COL18A1: variants seen among roughly 807,000 people sequenced by gnomAD.
COL18A1 encodes the protein collagen type XVIII alpha 1 chain, also known as collagen alpha-1(XVIII) chain.
COL18A1 carries 133 observed loss-of-function variants against 168.0 expected under a neutral mutation model. The ratio of observed to expected loss-of-function variants is 0.79; its 90% CI spans 0.69 to 0.91. The LOEUF (loss-of-function observed/expected upper bound fraction) is 0.91, where lower values mean the gene tolerates loss of function less well. Ranked by LOEUF, COL18A1 falls within the 40% of genes least tolerant of loss-of-function variation. COL18A1 has a pLI of 0.00. For missense variants in COL18A1, 2,126 were observed against 1,925.4 expected (o/e 1.10, Z -1.95); for synonymous variants, 949 against 809.0 (o/e 1.17, Z -2.94).
intron 2 of COL18A1, among the ~76,000 whole-genome samples, chr21:45,438,018 TCACTCA>T (rs1343308249): frequency 1.2e-4 from 3 of 24,496 alleles, no homozygotes; most frequent in African/African-American, 2.3e-4. Context: ...ACACACACAC[TCACTCA>T]CACACAGACA....
chr21:45,409,885 A>T (rs1169398643), intron 2 of COL18A1: 1 of 152,210 alleles, frequency 6.6e-6, no homozygotes, highest in African/African-American at 2.4e-5. Context: ...CCAGGCAGGG[A>T]GCTGATCTGT....
At chr21:45,509,265 C>T (rs956955537) in intron 38 of COL18A1, 91 bp from the exon 39 acceptor site, 2 of 1,506,946 alleles carry the variant, frequency 1.3e-6, no homozygotes, top group East Asian at 2.5e-5. Flanking sequence ...CAGAGCCCAG[C>T]CCCTCTCACC....
chr21:45,490,404 T>C, intron 20 of COL18A1, 58 bp downstream of exon 20: 1 of 1,297,700 alleles, frequency 7.7e-7, no homozygotes, highest in South Asian at 1.3e-5. Flanking sequence ...GAAGGGACTA[T>C]GCTAAGATGA....
At chr21:45,479,533 A>G (rs2035815800) in intron 9 of COL18A1, among the ~76,000 whole-genome samples, 1 of 151,288 alleles carries the variant, frequency 6.6e-6, no homozygotes, top group Non-Finnish European at 1.5e-5. Flanking sequence ...CCATACATGC[A>G]CACTCACACA....
chr21:45,429,007 A>G (rs2033883020), intron 2 of COL18A1, among the ~76,000 whole-genome samples: 1 of 149,970 alleles, frequency 6.7e-6, no homozygotes, highest in Admixed American at 6.7e-5. Flanking sequence ...GGTTCAACTG[A>G]TTCTTTTGCC....
chr21:45,504,450 A>AT lies in COL18A1; in HGVS notation c.2762_2763insT (p.Lys921AsnfsTer166). 1 of 1,611,602 alleles carries AT rather than the reference A, an allele frequency of 6.2e-7. No individual in the cohort carries two copies. The highest frequency in any genetic ancestry group is 8.5e-7 in the Non-Finnish European group (1 of 1,179,320). The stretch of plus-strand genomic sequence containing the variant: ...GGAGACCGAGGTGATGCAGGACAGA[A>AT]AGGCGAAAGGGGGGAGCCCGGGGGC... On this transcript the variant is annotated frameshift_variant, in exon 34 of 42. Transcript: ENST00000651438. LOFTEE classifies it high-confidence loss of function.
chr21:45,477,382 A>G, intron 6 of COL18A1, 29 bp from the exon 7 acceptor site: 2 of 1,595,892 alleles, frequency 1.3e-6, no homozygotes, highest in East Asian at 2.3e-5. Flanking sequence ...GGGGGGCGTG[A>G]CCGTGGCCAC....
intron 15 of COL18A1, among the ~76,000 whole-genome samples, chr21:45,484,735 TAC>T (rs1035316512): frequency 5.9e-5 from 9 of 152,270 alleles, no homozygotes; most frequent in African/African-American, 1.9e-4. Flanking sequence ...CTAGCATATG[TAC>T]ACACACATGT....
At chr21:45,477,129 G>C (rs2035704389) in intron 6 of COL18A1, among the ~76,000 whole-genome samples, 2 of 152,190 alleles carry the variant, frequency 1.3e-5, no homozygotes, top group Admixed American at 6.5e-5. Context: ...TGGGGGGCCA[G>C]GGTCTCTTGT....
chr21:45,439,938 G>A (rs2034323554), intron 2 of COL18A1, among the ~76,000 whole-genome samples: 1 of 152,254 alleles, frequency 6.6e-6, no homozygotes, highest in Admixed American at 6.5e-5. Context: ...CTTCCTGAGC[G>A]AAAGCAAACT....
Position 45,487,501 on chromosome 21 carries a change from G to A in COL18A1, c.1888G>A (p.Gly630Arg), listed in dbSNP as rs778142480. The change falls in exon 17 of 42, where the codon GGG becomes AGG. Residue 630 changes from glycine to arginine, a missense_variant. Physicochemically the swap from Gly to Arg is moderately radical, Grantham distance 125. Transcript: ENST00000651438. ...PFWSTARSAD[G>R]PQGPPGLPGL... ...CTGGTCAACAGCCCGAAGCGCTGAT[G>A]GGCCACAGGTAGTGTTGTGAGCTGG... The A allele has an allele frequency of 2.5e-6, 4 of 1,612,894 alleles. No homozygotes were observed. The highest frequency in any genetic ancestry group is 3.4e-6 in the Non-Finnish European group (4 of 1,180,022).
In COL18A1 at chr21:45,496,510, G is replaced by GC; in HGVS notation, c.2525dup (p.Gly843ArgfsTer21). The GC allele has an allele frequency of 8.2e-6, 12 of 1,465,006 alleles. No homozygotes were observed. The highest frequency in any genetic ancestry group is 1.1e-5 in the Non-Finnish European group (11 of 1,044,710). 90.8% of individuals were successfully genotyped at this position (1,465,006 alleles called of 1,614,324 possible). The stretch of plus-strand genomic sequence containing the variant: ...CTGCCCTCCCCACAGGGAATGCCCG[G>GC]CCCCCCAGGACCTCCAGGGCCCCCA... On this transcript the variant is annotated frameshift_variant, in exon 30 of 42. Coordinates refer to ENST00000651438, the MANE Select transcript of COL18A1 (RefSeq NM_001379500.1). LOFTEE classifies it high-confidence loss of function.
intron 24 of COL18A1, 43 bp from the exon 25 acceptor site, chr21:45,493,120 A>G (rs1187742993): frequency 6.5e-7 from 1 of 1,530,000 alleles, no homozygotes; most frequent in Admixed American, 2.0e-5. Flanking sequence ...GGGATGGGGG[A>G]GATGCCAGCC....
chr21:45,509,916 G>A, intron 39 of COL18A1, 148 bp from the exon 40 acceptor site: 1 of 914,476 alleles, frequency 1.1e-6, no homozygotes, highest in South Asian at 1.7e-5. Context: ...TGCTGCCTGG[G>A]CCCCTCAGTG....
At chr21:45,453,795 G>A (rs770673137) in intron 2 of COL18A1, among the ~76,000 whole-genome samples, 3 of 152,316 alleles carry the variant, frequency 2.0e-5, no homozygotes, top group South Asian at 2.1e-4. Context: ...CCCGAGGGCC[G>A]GAGCTGCTCT....
chr21:45,501,417 C>T (rs2036815887), intron 32 of COL18A1, among the ~76,000 whole-genome samples: 1 of 152,234 alleles, frequency 6.6e-6, no homozygotes, highest in South Asian at 2.1e-4. Flanking sequence ...CAGAGGGGCC[C>T]AGGCTGGGCT....
chr21:45,435,601 C>T (rs937661698), intron 2 of COL18A1, among the ~76,000 whole-genome samples: 7 of 151,916 alleles, frequency 4.6e-5, no homozygotes, highest in South Asian at 2.1e-4. Context: ...TGTGGGAGTC[C>T]GGGAGGGAGT....
chr21:45,438,580 G>T (rs552165231), intron 2 of COL18A1, among the ~76,000 whole-genome samples: 2 of 152,360 alleles, frequency 1.3e-5, no homozygotes, highest in East Asian at 3.9e-4. Flanking sequence ...CTGCAGGGCT[G>T]GTGTTCAGGG....
At chr21:45,470,143 G>A (rs907431585) in intron 3 of COL18A1, among the ~76,000 whole-genome samples, 1 of 152,276 alleles carries the variant, frequency 6.6e-6, no homozygotes, top group Non-Finnish European at 1.5e-5. Context: ...CCGCCCTGCG[G>A]TGAGGGCCTC....
Sources: gnomAD v4.1 joint callset for allele counts (sites outside exome capture counted in the v4.1 genomes callset) on GRCh38, gnomAD v4.1.1 for gene constraint, MANE v1.5 for transcripts, NCBI Gene and HGNC (gene_info 2026-07-23, HGNC 2026-07-21) for gene names.